PDE4B: variants seen among roughly 807,000 people sequenced by gnomAD.
PDE4B encodes the protein phosphodiesterase 4B.
PDE4B carries 20 observed loss-of-function variants against 82.2 expected under a neutral mutation model. The observed-to-expected ratio is 0.24, with a 90% CI of 0.17 to 0.35. The LOEUF is 0.35. Among genes scored for constraint, PDE4B ranks in the 10% least tolerant of loss-of-function variants. The pLI, the probability that PDE4B is intolerant of heterozygous loss-of-function variation, is 1.00. For synonymous variants in PDE4B, 320 were observed against 318.9 expected (o/e 1.00, Z -0.04); for missense variants, 655 against 907.2 (o/e 0.72, Z 3.57).
At chr1:65,822,111 TA>T (rs1341941820) in intron 1 of PDE4B, among the ~76,000 whole-genome samples, 1 of 152,200 alleles carries the variant, frequency 6.6e-6, no homozygotes, top group Non-Finnish European at 1.5e-5. Flanking sequence ...AGTAGCTGGT[TA>T]AATTTTGTTT....
chr1:65,953,277 G>A (rs1649093918), intron 3 of PDE4B, among the ~76,000 whole-genome samples: 1 of 152,078 alleles, frequency 6.6e-6, no homozygotes, highest in Admixed American at 6.6e-5. Flanking sequence ...AGAGCAAGCT[G>A]AAAATGTTTT....
chr1:66,364,008 C>T (rs1029741942), intron 12 of PDE4B, among the ~76,000 whole-genome samples: 11 of 152,068 alleles, frequency 7.2e-5, no homozygotes, highest in African/African-American at 2.7e-4. Flanking sequence ...AAGCAATTAA[C>T]AGAATTTCAG....
intron 3 of PDE4B, among the ~76,000 whole-genome samples, chr1:65,979,587 G>A (rs927291883): frequency 6.6e-6 from 1 of 152,188 alleles, no homozygotes; most frequent in Non-Finnish European, 1.5e-5. Context: ...CTTGCCTGTT[G>A]TCTATCATTC....
chr1:66,325,078 T>A (rs1659649555), intron 7 of PDE4B, among the ~76,000 whole-genome samples: 1 of 152,152 alleles, frequency 6.6e-6, no homozygotes, highest in South Asian at 2.1e-4. Context: ...CCTATATGTA[T>A]GAAACTATTT....
chr1:66,365,183 A>G (rs1456619407), intron 12 of PDE4B, among the ~76,000 whole-genome samples: 6 of 152,224 alleles, frequency 3.9e-5, no homozygotes, highest in Non-Finnish European at 8.8e-5. Context: ...GCTTGTGACC[A>G]CACCATAAAT....
At chr1:66,184,141 G>A (rs11208809) in intron 3 of PDE4B, among the ~76,000 whole-genome samples, 5,829 of 152,142 alleles carry the variant, frequency 0.038, 216 homozygotes, top group African/African-American at 0.1. Context: ...AGGGTGAGAA[G>A]TTTGTAATAA....
At chr1:65,873,598 T>G (rs1646600054) in intron 1 of PDE4B, among the ~76,000 whole-genome samples, 2 of 152,230 alleles carry the variant, frequency 1.3e-5, no homozygotes, top group Admixed American at 6.5e-5. Flanking sequence ...CCTCAGTTAC[T>G]TCTTTGAAAT....
At chr1:65,980,953 A>G (rs779151896) in intron 3 of PDE4B, among the ~76,000 whole-genome samples, 1 of 152,190 alleles carries the variant, frequency 6.6e-6, no homozygotes, top group Non-Finnish European at 1.5e-5. Flanking sequence ...TTTATTGGCT[A>G]TAGATAATAT....
chr1:65,980,670 A>G (rs1209944606), intron 3 of PDE4B, among the ~76,000 whole-genome samples: 1 of 152,198 alleles, frequency 6.6e-6, no homozygotes, highest in Non-Finnish European at 1.5e-5. Context: ...TTATTTTAAT[A>G]GATACTGTAC....
intron 3 of PDE4B, among the ~76,000 whole-genome samples, chr1:66,094,700 A>G (rs973718863): frequency 2.0e-5 from 3 of 152,030 alleles, no homozygotes; most frequent in Non-Finnish European, 4.4e-5. Flanking sequence ...TTCCAGAATC[A>G]TGGAACATTA....
chr1:66,097,282 T>C (rs1645136628), intron 3 of PDE4B, among the ~76,000 whole-genome samples: 1 of 152,104 alleles, frequency 6.6e-6, no homozygotes, highest in South Asian at 2.1e-4. Context: ...TCTTATTAAA[T>C]TTTAGCCATT....
chr1:66,041,679 A>C (rs763831811), intron 3 of PDE4B, among the ~76,000 whole-genome samples: 142 of 151,876 alleles, frequency 9.3e-4, no homozygotes, highest in Non-Finnish European at 1.4e-3. Context: ...TGCTCCAGTT[A>C]GATTTCTGTG....
At position 66,283,947 on chromosome 1, in the gene PDE4B, A is replaced by T. The variant is rs149298394; in HGVS notation, c.634+17860A>T. On this transcript the variant is annotated intron_variant, in intron 7 of 16. Coordinates refer to ENST00000341517, the MANE Select transcript of PDE4B (RefSeq NM_002600.4). ...CTCATTGACTCATTCATTCACCCTA[A>T]AAGCACCTGGCGAGTACTCACCACA... Among the ~76,000 whole-genome samples the T allele has an allele frequency of 3.4e-3, 519 of 152,302 alleles. 1 individual carries two copies. Among genetic ancestry groups the T allele is most frequent in the African/African-American group, 0.012 (492 of 41,572 alleles).
At chr1:66,304,285 C>G (rs76337476) in intron 7 of PDE4B, among the ~76,000 whole-genome samples, 1 of 152,078 alleles carries the variant, frequency 6.6e-6, no homozygotes, top group African/African-American at 2.4e-5. Context: ...CAATATAAAA[C>G]AAAAGAGCAC....
intron 7 of PDE4B, among the ~76,000 whole-genome samples, chr1:66,281,867 T>G (rs1656324419): frequency 6.6e-6 from 1 of 152,204 alleles, no homozygotes; most frequent in African/African-American, 2.4e-5. Context: ...TGAATGTAAC[T>G]AGTAGTATAA....
chr1:66,188,143 T>A (rs965115515), intron 3 of PDE4B, among the ~76,000 whole-genome samples: 1 of 151,970 alleles, frequency 6.6e-6, no homozygotes, highest in African/African-American at 2.4e-5. Context: ...AGTTGAGTAG[T>A]TTTGAGTGAG....
At chr1:66,011,431 A>T (rs894273941) in intron 3 of PDE4B, among the ~76,000 whole-genome samples, 1 of 152,110 alleles carries the variant, frequency 6.6e-6, no homozygotes, top group Non-Finnish European at 1.5e-5. Context: ...GTGAGTACAT[A>T]AACCAAAACC....
At chr1:66,129,125 G>A (rs1438964699) in intron 3 of PDE4B, among the ~76,000 whole-genome samples, 2 of 152,200 alleles carry the variant, frequency 1.3e-5, no homozygotes, top group Non-Finnish European at 2.9e-5. Flanking sequence ...TTGCCCATGT[G>A]AGTGTTTGCA....
intron 3 of PDE4B, among the ~76,000 whole-genome samples, chr1:66,224,879 A>T (rs1461965643): frequency 6.6e-6 from 1 of 152,182 alleles, no homozygotes; most frequent in African/African-American, 2.4e-5. Context: ...ATGTCATCTC[A>T]TCTCTACTTA....
Sources: allele counts gnomAD v4.1 joint callset (sites outside exome capture counted in the v4.1 genomes callset), GRCh38; gene constraint gnomAD v4.1.1; transcripts MANE v1.5; gene names NCBI Gene and HGNC (gene_info 2026-07-23, HGNC 2026-07-21).